The following POLRMT variants were observed in gnomAD, a reference collection of about 807,000 sequenced individuals.
POLRMT encodes RNA polymerase mitochondrial, also known as DNA-directed RNA polymerase, mitochondrial.
Under a neutral mutation model 132.2 loss-of-function variants are expected in POLRMT, and 114 were observed. That is an observed-to-expected ratio of 0.86 (90% CI 0.74 to 1.01). The LOEUF (loss-of-function observed/expected upper bound fraction) is 1.01, where lower values mean the gene tolerates loss of function less well. Ranked by LOEUF, POLRMT falls within the 50% of genes least tolerant of loss-of-function variation. The probability of loss-of-function intolerance (pLI) is 0.00; values close to 1 mark genes in which losing one functional copy is unlikely to be tolerated. For synonymous variants in POLRMT, 1,020 were observed against 773.4 expected (o/e 1.32, Z -5.29); for missense variants, 2,003 against 1,729.1 (o/e 1.16, Z -2.81).
Position 619,738 on chromosome 19 carries a change from G to A in POLRMT, c.2914C>T (p.Gln972Ter), listed in dbSNP as rs762983339. 5 of 1,593,102 alleles carry A rather than the reference G, an allele frequency of 3.1e-6. No homozygotes were observed. Among genetic ancestry groups the A allele is most frequent in the Non-Finnish European group, 3.4e-6 (4 of 1,169,874 alleles). Residue 972 changes from glutamine to a stop codon, truncating the protein, a stop_gained, in exon 13 of 21, where the codon CAG (glutamine) becomes TAG (stop). Transcript: ENST00000588649. LOFTEE classifies it high-confidence loss of function. Reference sequence around the variant, plus strand: ...ACCTGTGCCACCCGCATGCCCCGCTGGGCGTCCTGCCTACGGAACACCTCC... The same window carrying A: ...ACCTGTGCCACCCGCATGCCCCGCTAGGCGTCCTGCCTACGGAACACCTCC... The part of the protein sequence containing the change: ...QVEVFRRQDA[Q>*]RGMRVAQVLE...
intron 13 of POLRMT, 23 bp from the exon 14 acceptor site, chr19:619,319 G>A (rs774159521): frequency 4.4e-6 from 7 of 1,605,994 alleles, no homozygotes; most frequent in Middle Eastern, 2.2e-4. Flanking sequence ...GGCAGCAGGT[G>A]CAGGTCCTCA....
At chr19:623,714 G>A in intron 5 of POLRMT, 111 bp from the exon 6 acceptor site, 1 of 1,351,922 alleles carries the variant, frequency 7.4e-7, no homozygotes, top group Non-Finnish European at 1.0e-6. Flanking sequence ...CAAGTTGCTG[G>A]TGGCTATCGC....
intron 10 of POLRMT, 116 bp downstream of exon 10, chr19:620,942 G>A: frequency 2.8e-6 from 1 of 354,136 alleles, no homozygotes; most frequent in Non-Finnish European, 4.4e-6. Flanking sequence ...CAGGGGAGGG[G>A]GAGGGGAGGA....
chr19:633,177 G>A (rs1380687304), intron 1 of POLRMT: 1 of 604,692 alleles, frequency 1.7e-6, no homozygotes, highest in Non-Finnish European at 2.7e-6. Context: ...CAGGTCAAAG[G>A]TTAAGAGCCC....
Position 621,280 on chromosome 19 carries a change from G to C in POLRMT, c.2418C>G (p.Thr806=). The stretch of plus-strand genomic sequence containing the variant: ...GGTTGAAGTGCGGCGGGCAGGGGTA[G>C]GTGCGGCCGCGGAAGTCCATGTTGT... ...LPHNMDFRGR[T]YPCPPHFNHL... is the part of the protein sequence containing the mutation. The change falls in exon 10 of 21, where the codon ACC becomes ACG. Residue 806 remains threonine (T), a synonymous_variant. Transcript: ENST00000588649. The C allele has an allele frequency of 6.2e-7, 1 of 1,605,924 alleles. No homozygotes were observed. The highest frequency in any genetic ancestry group is 8.5e-7 in the Non-Finnish European group (1 of 1,177,706).
intron 2 of POLRMT, among the ~76,000 whole-genome samples, chr19:630,774 C>CG (rs1985356255): frequency 6.6e-6 from 1 of 152,206 alleles, no homozygotes; most frequent in Admixed American, 6.5e-5. Flanking sequence ...GCAGGGAAAA[C>CG]GCGGCTCCTG....
chr19:622,379 G>C lies in POLRMT; in HGVS notation c.1627-6C>G. 1.3e-6 allele frequency: 2 copies of C among 1,543,298 alleles called. No homozygotes were observed. The highest frequency in any genetic ancestry group is 2.4e-5 in the South Asian group (2 of 84,234). ...GGCAGGCAGGGCTCGGGCACCTGTAGGACAGGGCGGTCAGGGCGCTGGGCA... is the reference window on the plus strand; with the variant it reads ...GGCAGGCAGGGCTCGGGCACCTGTACGACAGGGCGGTCAGGGCGCTGGGCA... On this transcript the variant is annotated splice_polypyrimidine_tract_variant and splice_region_variant and intron_variant, in intron 8 of 20. Transcript: ENST00000588649.
chr19:618,783 G>A (rs746872381), intron 15 of POLRMT, 23 bp from the exon 16 acceptor site: 9 of 1,580,616 alleles, frequency 5.7e-6, no homozygotes, highest in Non-Finnish European at 7.7e-6. Flanking sequence ...AGGGGCCGGT[G>A]AGTCCCACCC....
At chr19:617,365 C>G in intron 20 of POLRMT, 42 bp from the exon 21 acceptor site, 1 of 1,612,450 alleles carries the variant, frequency 6.2e-7, no homozygotes, top group South Asian at 1.1e-5. Context: ...GGCGGGAAAG[C>G]CCCGCCCTGG....
chr19:623,596 C>G lies in POLRMT; in HGVS notation c.1148G>C (p.Arg383Pro), dbSNP rs1437487306. The change falls in exon 6 of 21, where the codon CGT (arginine) becomes CCT (proline). Residue 383 changes from arginine (R) to proline (P), a missense_variant. Arg to Pro is a moderately radical substitution (Grantham distance 103). Transcript: ENST00000588649. Reference sequence around the variant, plus strand: ...CAGGTGCAGCTTCGGGTAGGACACACGCCCATCCTGCAGGGATGGGGGTAG... The same window carrying G: ...CAGGTGCAGCTTCGGGTAGGACACAGGCCCATCCTGCAGGGATGGGGGTAG... ...LLRDVYAKDG[R>P]VSYPKLHLPL... 5 of 1,613,478 alleles carry G rather than the reference C, an allele frequency of 3.1e-6. No homozygotes were observed. The highest frequency in any genetic ancestry group is 1.3e-5 in the African/African-American group (1 of 74,942).
chr19:620,932 CAGGGGA>C (rs1237429216), intron 10 of POLRMT, 120 bp downstream of exon 10: 3 of 249,728 alleles, frequency 1.2e-5, no homozygotes, highest in African/African-American at 9.2e-5. Context: ...CAGGGGGCGC[CAGGGGA>C]GGGGGAGGGG....
Position 621,837 on chromosome 19 carries a change from G to C in POLRMT, c.1861C>G (p.Leu621Val), listed in dbSNP as rs1984635161. 4.4e-6 allele frequency: 7 copies of C among 1,602,164 alleles called. No individual in the cohort carries two copies. Among genetic ancestry groups the C allele is most frequent in the Non-Finnish European group, 5.9e-6 (7 of 1,179,834 alleles). ...SFRNVQQIGI[L>V]KPHPAYVQLL... is the part of the protein sequence containing the mutation. ...TGCACGTAGGCCGGGTGCGGCTTCA[G>C]GATGCCGATCTGGGGTGCGACAGGC... is the stretch of plus-strand genomic sequence containing the variant. The change falls in exon 10 of 21, where the codon CTG becomes GTG. Residue 621 changes from leucine (L) to valine (V), a missense_variant. Transcript: ENST00000588649.
chr19:623,278 A>T (rs1323342893), intron 6 of POLRMT, among the ~76,000 whole-genome samples, 176 bp downstream of exon 6: 1 of 152,196 alleles, frequency 6.6e-6, no homozygotes, highest in East Asian at 1.9e-4. Context: ...GCCCTGCATG[A>T]CCAGACCAGG....
At chr19:618,241 A>C (rs1984168903) in intron 17 of POLRMT, 2 of 551,430 alleles carry the variant, frequency 3.6e-6, no homozygotes, top group East Asian at 5.9e-5. Flanking sequence ...GGTGCCAAGA[A>C]ATGCCCAGCA....
At position 622,185 on chromosome 19, in the gene POLRMT, C is replaced by G. The variant is rs375181877; in HGVS notation, c.1815G>C (p.Val605=). 6.4e-7 allele frequency: 1 copy of G among 1,572,696 alleles called. No homozygotes were observed. Among genetic ancestry groups the G allele is most frequent in the Admixed American group, 1.8e-5 (1 of 55,014 alleles). The part of the protein sequence containing the change: ...KPHRSSRLVP[V]LYHVYSFRNV... ...TGCGGAAGGAATACACGTGGTAGAG[C>G]ACGGGGACAAGCCGAGAGGAACGAT... The change falls in exon 9 of 21, where the codon GTG becomes GTC. Residue 605 remains valine, a synonymous_variant. Transcript: ENST00000588649.
chr19:621,868 G>C (rs1310840497), intron 9 of POLRMT, 22 bp from the exon 10 acceptor site: 2 of 1,599,852 alleles, frequency 1.3e-6, no homozygotes, highest in Admixed American at 1.7e-5. Flanking sequence ...CAGGCAGACG[G>C]GTCAGGGCCC....
Position 621,656 on chromosome 19 carries a change from T to G in POLRMT, c.2042A>C (p.Gln681Pro). The G allele has an allele frequency of 1.3e-6, 2 of 1,540,110 alleles. No homozygotes were observed. Among genetic ancestry groups the G allele is most frequent in the Non-Finnish European group, 1.7e-6 (2 of 1,146,136 alleles). The stretch of plus-strand genomic sequence containing the variant: ...GGGCGGGCAGGTTTCCAGCAGCTCC[T>G]GGTGCTGCGTGGCGCCTTCCACCGT... ...MRTVEGATQH[Q>P]ELLETCPPTA... The change falls in exon 10 of 21, where the codon CAG becomes CCG. Residue 681 changes from glutamine (Q) to proline (P), a missense_variant. Gln to Pro is a moderately conservative substitution (Grantham distance 76). Coordinates refer to ENST00000588649, the MANE Select transcript of POLRMT (RefSeq NM_005035.4).
intron 10 of POLRMT, 47 bp from the exon 11 acceptor site, chr19:620,534 T>A (rs564932646): frequency 6.8e-7 from 1 of 1,479,030 alleles, no homozygotes; most frequent in Admixed American, 2.4e-5. Flanking sequence ...GCCCGATCCC[T>A]GAGCCCGCTG....
Position 622,439 on chromosome 19 carries a change from G to C in POLRMT, c.1627-66C>G, listed in dbSNP as rs1036990452. 3.4e-6 allele frequency: 5 copies of C among 1,472,106 alleles called. No individual in the cohort carries two copies. The African/African-American group carries it at 7.1e-5, about 21-fold the overall frequency. The allele number at this position is 1,472,106 out of a possible 1,614,324, so 91.2% of individuals were successfully genotyped here. On this transcript the variant is annotated intron_variant, in intron 8 of 20. Coordinates refer to ENST00000588649, the MANE Select transcript of POLRMT (RefSeq NM_005035.4). Reference sequence around the variant, plus strand: ...CTGAGCTAGATGCCCCACCGCCCGTGCCTGACGCCCGGTGGGGCATCTGTC... The same window carrying C: ...CTGAGCTAGATGCCCCACCGCCCGTCCCTGACGCCCGGTGGGGCATCTGTC...
Sources: allele counts gnomAD v4.1 joint callset (sites outside exome capture counted in the v4.1 genomes callset), GRCh38; gene constraint gnomAD v4.1.1; transcripts MANE v1.5; gene names NCBI Gene and HGNC (gene_info 2026-07-23, HGNC 2026-07-21).